CENPP: variants seen among roughly 807,000 people sequenced by gnomAD.
The protein encoded by CENPP is centromere protein P.
CENPP carries 24 observed loss-of-function variants against 35.6 expected under a neutral mutation model. That is an observed-to-expected ratio of 0.67 (90% confidence interval 0.49 to 0.95). The LOEUF (loss-of-function observed/expected upper bound fraction) is 0.95. Among genes scored for constraint, CENPP ranks in the 40% least tolerant of loss-of-function variants. The pLI is 0.00. For missense variants in CENPP, 332 were observed against 345.3 expected, an observed-to-expected ratio of 0.96 and a Z score of 0.31; for synonymous variants, 120 against 125.5, an observed-to-expected ratio of 0.96 and a Z score of 0.29.
At position 92,619,212 on chromosome 9, in the gene CENPP, G is replaced by T; in HGVS notation, c.*6063G>T. The T allele has an allele frequency of 2.5e-6, 1 of 395,250 alleles. No homozygotes were observed. Among genetic ancestry groups the T allele is most frequent in the Non-Finnish European group, 4.7e-6 (1 of 211,872 alleles). 24.5% of individuals were successfully genotyped at this position (395,250 alleles called of 1,614,324 possible). ...GCAGCTCACTGTCCACATTGTTTCT[G>T]AGCTCTTGGGAGTATTTTCTTAGAA... is the stretch of plus-strand genomic sequence containing the variant. On this transcript the variant is annotated 3_prime_UTR_variant, in exon 8 of 8. Transcript: ENST00000375587.
At chr9:92,473,716 A>G (rs1845609203) in intron 5 of CENPP, among the ~76,000 whole-genome samples, 1 of 152,186 alleles carries the variant, frequency 6.6e-6, no homozygotes, top group African/African-American at 2.4e-5. Flanking sequence ...TCTAGCTCGT[A>G]TTAGTCTCCC....
chr9:92,335,011 G>A (rs1840879886), intron 2 of CENPP, among the ~76,000 whole-genome samples: 1 of 151,380 alleles, frequency 6.6e-6, no homozygotes, highest in South Asian at 2.1e-4. Flanking sequence ...ACATGGTGAA[G>A]CCTGTCTCTA....
rs544430599 is a variant in CENPP at position 92,615,289 on chromosome 9, T to C, written c.*2140T>C. ...GAGTCTACACTGCTCAGAATCGGCATCTGCGCGACCACGAGGTCACGCTGT... is the reference window on the plus strand; with the variant it reads ...GAGTCTACACTGCTCAGAATCGGCACCTGCGCGACCACGAGGTCACGCTGT... On this transcript the variant is annotated 3_prime_UTR_variant, in exon 8 of 8. Transcript: ENST00000375587. 6.2e-6 allele frequency: 1 copy of C among 160,762 alleles called. No homozygotes were observed. The highest frequency in any genetic ancestry group is 1.8e-4 in the South Asian group (1 of 5,438). 10.0% of individuals were successfully genotyped at this position (160,762 alleles called of 1,614,324 possible).
chr9:92,373,516 A>C (rs1842056016), intron 4 of CENPP, among the ~76,000 whole-genome samples: 1 of 151,878 alleles, frequency 6.6e-6, no homozygotes, highest in Non-Finnish European at 1.5e-5. Context: ...CTTGTATCTC[A>C]CTGAGCTTCT....
At chr9:92,356,744 A>G (rs985992402) in intron 4 of CENPP, among the ~76,000 whole-genome samples, 1 of 152,244 alleles carries the variant, frequency 6.6e-6, no homozygotes, top group Admixed American at 6.5e-5. Context: ...TTAAAATGAA[A>G]TCTTCACAAT....
intron 5 of CENPP, chr9:92,415,005 A>T (rs1268369010): frequency 1.8e-6 from 1 of 551,428 alleles, no homozygotes; most frequent in East Asian, 3.1e-5. Context: ...AATGATGCAG[A>T]TGTCACCAAC....
chr9:92,417,678 A>G, intron 5 of CENPP: 1 of 655,038 alleles, frequency 1.5e-6, no homozygotes, highest in Admixed American at 3.4e-5. Context: ...CTATGTCTAT[A>G]TATAAAAGAA....
chr9:92,551,943 AT>A (rs1849603636), intron 5 of CENPP, among the ~76,000 whole-genome samples: 1 of 107,700 alleles, frequency 9.3e-6, no homozygotes, highest in African/African-American at 3.7e-5. Context: ...ATATATATAT[AT>A]ATATATATGA....
chr9:92,496,249 T>C, intron 5 of CENPP: 1 of 1,508,950 alleles, frequency 6.6e-7, no homozygotes, highest in Non-Finnish European at 8.8e-7. Flanking sequence ...TCTCTCTTAT[T>C]AATGACAAAT....
intron 5 of CENPP, chr9:92,415,294 A>G: frequency 1.9e-6 from 3 of 1,613,634 alleles, no homozygotes; most frequent in South Asian, 1.1e-5. Flanking sequence ...TTGTGTCTTT[A>G]GTTGTATTGT....
rs776364640 is a variant in CENPP, at chr9:92,442,848, CA to C, written c.564+63003del. 4.8e-3 allele frequency among the ~76,000 whole-genome samples: 553 copies of C among 114,922 alleles called. 5 individuals are homozygous for C. Among genetic ancestry groups the C allele is most frequent in the Admixed American group, 7.8e-3 (85 of 10,874 alleles). 75.4% of individuals were successfully genotyped at this position (114,922 alleles called of 152,430 possible). A position where few individuals can be genotyped will look rare whatever the true frequency, so the allele number is the denominator to read the frequency against. On this transcript the variant is annotated intron_variant, in intron 5 of 7. Coordinates refer to ENST00000375587, the MANE Select transcript of CENPP (RefSeq NM_001012267.3). ...TAGGTGACGGTGCAAGACTCCTTCT[CA>C]AAAAAAAAAAAAACATTGGATACAA...
chr9:92,388,763 C>T lies in CENPP; in HGVS notation c.564+8904C>T, dbSNP rs569717240. ...AGGAGAATTGCTCAAACCTGGGAGGCGGAGGTTGCAGTAAGCCAAGATCAC... is the reference window on the plus strand; with the variant it reads ...AGGAGAATTGCTCAAACCTGGGAGGTGGAGGTTGCAGTAAGCCAAGATCAC... On this transcript the variant is annotated intron_variant, in intron 5 of 7. Transcript: ENST00000375587. Among the ~76,000 whole-genome samples the T allele has an allele frequency of 6.9e-5, 10 of 144,284 alleles. No homozygotes were observed. In the East Asian group the frequency reaches 1.1e-3, roughly 15 times the overall value. 94.7% of individuals were successfully genotyped at this position (144,284 alleles called of 152,430 possible). A position where few individuals can be genotyped will look rare whatever the true frequency, so the allele number is the denominator to read the frequency against.
chr9:92,527,619 A>G (rs1055860482), intron 5 of CENPP, among the ~76,000 whole-genome samples: 8 of 152,202 alleles, frequency 5.3e-5, no homozygotes, highest in African/African-American at 1.7e-4. Context: ...TTCCAAGGGT[A>G]TCTAAACTGA....
intron 5 of CENPP, among the ~76,000 whole-genome samples, chr9:92,607,452 C>T (rs746380386): frequency 6.6e-6 from 1 of 152,044 alleles, no homozygotes; most frequent in Admixed American, 6.5e-5. Context: ...CTAAAGGGTA[C>T]ATTTAGGGGG....
chr9:92,505,543 C>T (rs1293362417), intron 5 of CENPP: 2 of 1,596,954 alleles, frequency 1.3e-6, no homozygotes, highest in Non-Finnish European at 8.5e-7. Flanking sequence ...CTCAATAGAA[C>T]CAGGAAGACC....
chr9:92,360,525 C>T (rs1042680980), intron 4 of CENPP, among the ~76,000 whole-genome samples: 1 of 151,994 alleles, frequency 6.6e-6, no homozygotes, highest in Non-Finnish European at 1.5e-5. Context: ...TGTGATTATG[C>T]TATTGCACTT....
intron 5 of CENPP, among the ~76,000 whole-genome samples, chr9:92,532,015 G>GGT (rs1848796284): frequency 1.0e-5 from 1 of 95,736 alleles, no homozygotes. Flanking sequence ...TTTATTTAAT[G>GGT]TTTTTTTTTT....
rs368634649 is a variant in CENPP at position 92,416,072 on chromosome 9, T to TATATATATATATATATA, written c.564+36213_564+36214insATATATATATATATATA. ...TATATATGTGTGTATATATATATAT[T>TATATATATATATATATA]TATTTATTTATTTATTTATTTATTT... On this transcript the variant is annotated intron_variant, in intron 5 of 7. Coordinates refer to ENST00000375587, the MANE Select transcript of CENPP (RefSeq NM_001012267.3). Among the ~76,000 whole-genome samples, 337 of 125,200 alleles carry TATATATATATATATATA rather than the reference T, an allele frequency of 2.7e-3. 4 individuals carry two copies. The highest frequency in any genetic ancestry group is 3.9e-3 in the Non-Finnish European group (237 of 60,168). The allele number at this position is 125,200 out of a possible 152,430, so 82.1% of individuals were successfully genotyped here. A position where few individuals can be genotyped will look rare whatever the true frequency, so the allele number is the denominator to read the frequency against.
intron 4 of CENPP, among the ~76,000 whole-genome samples, chr9:92,352,501 G>GTATATATATATATATATATA (rs1841478475): frequency 1.3e-5 from 1 of 74,602 alleles, no homozygotes. Context: ...GTGTGTGTGT[G>GTATATATATATATATATATA]TGTGTATACA....
Sources: allele counts gnomAD v4.1 joint callset (sites outside exome capture counted in the v4.1 genomes callset), GRCh38; gene constraint gnomAD v4.1.1; transcripts MANE v1.5; gene names NCBI Gene and HGNC (gene_info 2026-07-23, HGNC 2026-07-21).